CLSTN2: variants seen among roughly 807,000 people sequenced by gnomAD.
The protein encoded by CLSTN2 is calsyntenin-2.
A neutral mutation model predicts 101.2 loss-of-function variants in CLSTN2; 48 were observed. The observed-to-expected ratio is 0.47, with a 90% confidence interval of 0.38 to 0.60. CLSTN2 has a LOEUF of 0.60. Ranked by LOEUF, CLSTN2 falls within the 20% of genes least tolerant of loss-of-function variation. The pLI, the probability that CLSTN2 is intolerant of heterozygous loss-of-function variation, is 0.00. For synonymous variants in CLSTN2, 481 were observed against 463.6 expected (o/e 1.04, Z -0.48); for missense variants, 1,160 against 1,238.2 (o/e 0.94, Z 0.95).
intron 1 of CLSTN2, among the ~76,000 whole-genome samples, chr3:140,167,692 C>T (rs2010155501): frequency 6.6e-6 from 1 of 152,150 alleles, no homozygotes; most frequent in Non-Finnish European, 1.5e-5. Flanking sequence ...CCCTTGTTCC[C>T]CTTCACAATC....
intron 2 of CLSTN2, among the ~76,000 whole-genome samples, chr3:140,254,038 C>T (rs908445354): frequency 2.0e-5 from 3 of 152,082 alleles, no homozygotes; most frequent in Non-Finnish European, 2.9e-5. Flanking sequence ...GGTCCCTTAC[C>T]TAATTTGGTC....
intron 5 of CLSTN2, among the ~76,000 whole-genome samples, chr3:140,422,690 A>G (rs1031559346): frequency 6.6e-6 from 1 of 152,212 alleles, no homozygotes; most frequent in African/African-American, 2.4e-5. Flanking sequence ...AGACATAGAA[A>G]GAAGGACAAG....
intron 8 of CLSTN2, among the ~76,000 whole-genome samples, chr3:140,516,727 AGG>A (rs1934925263): frequency 6.6e-6 from 1 of 152,184 alleles, no homozygotes. Context: ...TTAATTTGAC[AGG>A]TTACCTGATG....
chr3:140,540,718 A>C (rs532659117), intron 9 of CLSTN2, among the ~76,000 whole-genome samples: 56 of 152,342 alleles, frequency 3.7e-4, no homozygotes, highest in African/African-American at 1.3e-3. Context: ...GACCAGCAGC[A>C]TCCTGAACAC....
intron 1 of CLSTN2, among the ~76,000 whole-genome samples, chr3:139,983,511 T>A (rs1935968495): frequency 6.6e-6 from 1 of 152,148 alleles, no homozygotes; most frequent in Admixed American, 6.6e-5. Context: ...GCCATGAGAA[T>A]CCAAATGCTG....
At chr3:140,218,840 C>T (rs1026341547) in intron 2 of CLSTN2, among the ~76,000 whole-genome samples, 1 of 151,994 alleles carries the variant, frequency 6.6e-6, no homozygotes, top group African/African-American at 2.4e-5. Flanking sequence ...GTGGAATCCC[C>T]CAGGGGGACA....
chr3:140,352,853 A>G (rs186409712), intron 2 of CLSTN2, among the ~76,000 whole-genome samples: 61 of 152,242 alleles, frequency 4.0e-4, no homozygotes, highest in Non-Finnish European at 7.6e-4. Context: ...TCAGAAATTC[A>G]ATCTCTGCCT....
intron 2 of CLSTN2, among the ~76,000 whole-genome samples, chr3:140,332,593 CTT>C (rs2087394608): frequency 1.3e-5 from 2 of 151,852 alleles, no homozygotes; most frequent in African/African-American, 2.4e-5. Context: ...TATACTTAGT[CTT>C]TTAAACCTGG....
At chr3:140,424,733 G>A (rs2088545869) in intron 5 of CLSTN2, among the ~76,000 whole-genome samples, 1 of 152,222 alleles carries the variant, frequency 6.6e-6, no homozygotes, top group South Asian at 2.1e-4. Flanking sequence ...AGTATGGGGT[G>A]AATCCTGCAC....
intron 1 of CLSTN2, among the ~76,000 whole-genome samples, chr3:140,157,151 C>T (rs1015805153): frequency 6.6e-6 from 1 of 151,898 alleles, no homozygotes; most frequent in Non-Finnish European, 1.5e-5. Flanking sequence ...AGATTGCTAG[C>T]ATTTTGTTGA....
intron 1 of CLSTN2, among the ~76,000 whole-genome samples, chr3:140,067,882 C>T (rs1055542267): frequency 1.3e-5 from 2 of 152,172 alleles, no homozygotes; most frequent in Non-Finnish European, 2.9e-5. Context: ...TAGTAATGTG[C>T]ATTAGGTTAC....
chr3:140,460,833 C>T (rs1325175268), intron 7 of CLSTN2, among the ~76,000 whole-genome samples: 5 of 152,166 alleles, frequency 3.3e-5, no homozygotes, highest in Non-Finnish European at 7.3e-5. Flanking sequence ...ACAATCACAG[C>T]AGATGTAACA....
chr3:140,307,755 T>C (rs2087129195), intron 2 of CLSTN2, among the ~76,000 whole-genome samples: 1 of 152,206 alleles, frequency 6.6e-6, no homozygotes, highest in African/African-American at 2.4e-5. Context: ...GTACCCTAGC[T>C]TGTGAATATT....
intron 2 of CLSTN2, among the ~76,000 whole-genome samples, 179 bp downstream of exon 2, chr3:140,176,252 T>C (rs1168363067): frequency 2.0e-5 from 3 of 152,236 alleles, no homozygotes; most frequent in Non-Finnish European, 4.4e-5. Context: ...GCTGTCCTTA[T>C]GTTTTTGTTT....
At chr3:140,206,732 T>C (rs1052541554) in intron 2 of CLSTN2, among the ~76,000 whole-genome samples, 3 of 152,054 alleles carry the variant, frequency 2.0e-5, no homozygotes, top group African/African-American at 7.2e-5. Context: ...TCCCACAAAC[T>C]CTCCCAGGAG....
chr3:140,266,382 G>A (rs2086694054), intron 2 of CLSTN2, among the ~76,000 whole-genome samples: 1 of 152,206 alleles, frequency 6.6e-6, no homozygotes, highest in African/African-American at 2.4e-5. Flanking sequence ...CATATTATAA[G>A]ATAGTAGTGG....
At chr3:140,530,815 G>A (rs1301586387) in intron 8 of CLSTN2, among the ~76,000 whole-genome samples, 3 of 152,174 alleles carry the variant, frequency 2.0e-5, no homozygotes, top group Non-Finnish European at 4.4e-5. Context: ...TTACCTCACT[G>A]TCACCCACTT....
chr3:140,317,482 T>A (rs994216029), intron 2 of CLSTN2, among the ~76,000 whole-genome samples: 2 of 152,148 alleles, frequency 1.3e-5, no homozygotes, highest in Non-Finnish European at 2.9e-5. Flanking sequence ...GTGTGCCTTC[T>A]GTAAAAGTTC....
At chr3:140,109,309 T>C (rs562493587) in intron 1 of CLSTN2, among the ~76,000 whole-genome samples, 3 of 152,280 alleles carry the variant, frequency 2.0e-5, no homozygotes, top group Admixed American at 6.5e-5. Flanking sequence ...AGTCACCTCC[T>C]GGAAGAGCCG....
Sources: gnomAD v4.1 joint callset for allele counts (sites outside exome capture counted in the v4.1 genomes callset) on GRCh38, gnomAD v4.1.1 for gene constraint, MANE v1.5 for transcripts, NCBI Gene and HGNC (gene_info 2026-07-23, HGNC 2026-07-21) for gene names.